Variants in CYP3A4 observed in about 807,000 individuals in gnomAD.
The protein encoded by CYP3A4 is cytochrome P450 family 3 subfamily A member 4.
Under a neutral mutation model 54.9 loss-of-function variants are expected in CYP3A4, and 41 were observed. The observed-to-expected ratio is 0.75, with a 90% CI of 0.58 to 0.97. CYP3A4 has a LOEUF of 0.97. Ranked by LOEUF, CYP3A4 falls within the 50% of genes least tolerant of loss-of-function variation. CYP3A4 has a pLI of 0.00. For missense variants in CYP3A4, 510 were observed against 597.3 expected (o/e 0.85, Z 1.52); for synonymous variants, 179 against 205.2 (o/e 0.87, Z 1.09).
intron 3 of CYP3A4, among the ~76,000 whole-genome samples, chr7:99,777,088 A>C (rs1417815424): frequency 6.6e-6 from 1 of 152,240 alleles, no homozygotes; most frequent in East Asian, 1.9e-4. Flanking sequence ...TTTCTCTATT[A>C]TCTCTCAACC....
chr7:99,765,444 A>G (rs747410658), intron 9 of CYP3A4, among the ~76,000 whole-genome samples: 22 of 152,146 alleles, frequency 1.4e-4, no homozygotes, highest in Admixed American at 8.5e-4. Flanking sequence ...TGATAGATGG[A>G]TAAATGATAG....
chr7:99,778,121 A>G, intron 2 of CYP3A4, 41 bp from the exon 3 acceptor site: 2 of 1,516,104 alleles, frequency 1.3e-6, no homozygotes, highest in Non-Finnish European at 1.8e-6. Context: ...ATTATTTTTA[A>G]TGTACTTAAC....
Position 99,778,026 on chromosome 7 carries a change from A to C in CYP3A4, c.218+2T>G. The C allele has an allele frequency of 6.2e-7, 1 of 1,611,908 alleles. No homozygotes were observed. The highest frequency in any genetic ancestry group is 8.5e-7 in the Non-Finnish European group (1 of 1,178,320). ...TCCAATGGAAGTTTCCAGAATACTC[A>C]CCCCCACACTTTTCCATACTTTTTA... On this transcript the variant is annotated splice_donor_variant, in intron 3 of 12. Coordinates refer to ENST00000651514, the MANE Select transcript of CYP3A4 (RefSeq NM_017460.6). LOFTEE classifies it high-confidence loss of function.
intron 7 of CYP3A4, among the ~76,000 whole-genome samples, chr7:99,768,042 C>G (rs547487290): frequency 1.1e-4 from 17 of 152,092 alleles, no homozygotes; most frequent in African/African-American, 2.7e-4. Flanking sequence ...AATAAAAAAC[C>G]CTGATGAATT....
At chr7:99,775,047 A>G (rs1052005667) in intron 3 of CYP3A4, among the ~76,000 whole-genome samples, 3 of 152,186 alleles carry the variant, frequency 2.0e-5, no homozygotes, top group African/African-American at 7.2e-5. Flanking sequence ...CACCAATAAT[A>G]GACAAACAGA....
chr7:99,763,226 T>C (rs1815384521), intron 10 of CYP3A4, among the ~76,000 whole-genome samples: 1 of 152,132 alleles, frequency 6.6e-6, no homozygotes, highest in Non-Finnish European at 1.5e-5. Context: ...CCAACTATGA[T>C]GTGTGGAGGA....
At chr7:99,768,642 C>T (rs1815544915) in intron 6 of CYP3A4, 140 bp from the exon 7 acceptor site, 2 of 1,509,182 alleles carry the variant, frequency 1.3e-6, no homozygotes, top group East Asian at 2.4e-5. Context: ...CACCTTCTAT[C>T]ACACTCCATC....
In CYP3A4 at chr7:99,760,918, G is replaced by T. The variant is rs372741732; in HGVS notation, c.1317C>A (p.Pro439=). The change falls in exon 12 of 13, where the codon CCC becomes CCA. Residue 439 remains proline, a synonymous_variant. Transcript: ENST00000651514. ...CAAACCTCATGCCAATGCAGTTTCT[G>T]GGTCCACTTCCAAAGGGTGTGTATA... ...PYIYTPFGSG[P]RNCIGMRFAL... 3.1e-6 allele frequency: 5 copies of T among 1,614,134 alleles called. No individual in the cohort carries two copies. The highest frequency in any genetic ancestry group is 3.4e-6 in the Non-Finnish European group (4 of 1,179,970).
intron 7 of CYP3A4, 126 bp from the exon 8 acceptor site, chr7:99,767,384 G>A (rs766557290): frequency 5.9e-6 from 5 of 848,636 alleles, no homozygotes; most frequent in Non-Finnish European, 8.7e-6. Context: ...TCAACTGGAA[G>A]CCATTCCTTC....
intron 2 of CYP3A4, among the ~76,000 whole-genome samples, chr7:99,779,112 C>T (rs1815848724): frequency 6.6e-6 from 1 of 152,110 alleles, no homozygotes; most frequent in Non-Finnish European, 1.5e-5. Flanking sequence ...AAAGGCTCGG[C>T]CAAAGTTCAC....
At chr7:99,764,865 A>C (rs1232772706) in intron 9 of CYP3A4, among the ~76,000 whole-genome samples, 1 of 152,172 alleles carries the variant, frequency 6.6e-6, no homozygotes, top group Non-Finnish European at 1.5e-5. Flanking sequence ...CTATGATTAC[A>C]AGTTGGGCCC....
chr7:99,772,752 C>G lies in CYP3A4; in HGVS notation c.219-63G>C, dbSNP rs1200829762. The G allele has an allele frequency of 5.8e-6, 9 of 1,544,998 alleles. No individual in the cohort carries two copies. In the Admixed American group the frequency reaches 1.0e-4, roughly 18 times the overall value. On this transcript the variant is annotated intron_variant, in intron 3 of 12. Transcript: ENST00000651514. ...CCTTATTCTACAGCTGGAGCCCAAC[C>G]CAGGAAGCCAGACTTTGATCCTGAC... is the stretch of plus-strand genomic sequence containing the variant.
At chr7:99,781,887 C>T (rs1299597437) in intron 1 of CYP3A4, among the ~76,000 whole-genome samples, 1 of 152,228 alleles carries the variant, frequency 6.6e-6, no homozygotes, top group African/African-American at 2.4e-5. Flanking sequence ...GCCCTTAAGA[C>T]AGTATAGGTT....
At chr7:99,766,059 T>C (rs1036944071) in intron 9 of CYP3A4, among the ~76,000 whole-genome samples, 1 of 152,166 alleles carries the variant, frequency 6.6e-6, no homozygotes, top group Admixed American at 6.5e-5. Flanking sequence ...AATAAATTTC[T>C]AGGCAGAAAT....
Position 99,757,615 on chromosome 7 carries a change from C to T in CYP3A4, c.*518G>A, listed in dbSNP as rs1815208503. On this transcript the variant is annotated 3_prime_UTR_variant, in exon 13 of 13. Transcript: ENST00000651514. ...TGATTACAATGACCAAAAATATTTA[C>T]TTGTTGGTTCTCATTCAGTTCTATA... 6.5e-6 allele frequency: 1 copy of T among 153,862 alleles called. No individual in the cohort carries two copies. Among genetic ancestry groups the T allele is most frequent in the Non-Finnish European group, 1.4e-5 (1 of 69,186 alleles). 9.5% of individuals were successfully genotyped at this position (153,862 alleles called of 1,614,324 possible). A position where few individuals can be genotyped will look rare whatever the true frequency, so the allele number is the denominator to read the frequency against.
chr7:99,762,006 G>T (rs1815345224), intron 11 of CYP3A4, 35 bp downstream of exon 11: 4 of 1,595,948 alleles, frequency 2.5e-6, no homozygotes, highest in Middle Eastern at 1.7e-4. Flanking sequence ...AACCAGGCTG[G>T]TTCAGGGAGG....
At chr7:99,778,872 C>G (rs771099072) in intron 2 of CYP3A4, among the ~76,000 whole-genome samples, 2 of 152,068 alleles carry the variant, frequency 1.3e-5, no homozygotes, top group East Asian at 1.9e-4. Context: ...GAAAAGGTGG[C>G]GGGGAAATTA....
At chr7:99,777,094 C>G (rs1037554049) in intron 3 of CYP3A4, among the ~76,000 whole-genome samples, 2 of 152,184 alleles carry the variant, frequency 1.3e-5, no homozygotes, top group Non-Finnish European at 2.9e-5. Context: ...TATTATCTCT[C>G]AACCCTTCAT....
chr7:99,761,038 A>C (rs1815310911), intron 11 of CYP3A4, 57 bp from the exon 12 acceptor site: 1 of 1,583,660 alleles, frequency 6.3e-7, no homozygotes, highest in South Asian at 1.2e-5. Flanking sequence ...CCTAAGAGTT[A>C]CATGTTAGGG....
Sources: gnomAD v4.1 joint callset for allele counts (sites outside exome capture counted in the v4.1 genomes callset) on GRCh38, gnomAD v4.1.1 for gene constraint, MANE v1.5 for transcripts, NCBI Gene and HGNC (gene_info 2026-07-23, HGNC 2026-07-21) for gene names.